The following TAF3 variants were observed in gnomAD, a reference collection of about 807,000 sequenced individuals.
TAF3 encodes the protein transcription initiation factor TFIID subunit 3.
A neutral mutation model predicts 80.6 loss-of-function variants in TAF3; 7 were observed. The ratio of observed to expected loss-of-function variants is 0.09; its 90% CI spans 0.05 to 0.16. The LOEUF is 0.16. TAF3 is among the 10% of genes least tolerant of loss of function. TAF3 has a pLI of 1.00. For missense variants in TAF3, 921 were observed against 1,140.2 expected (o/e 0.81, Z 2.77); for synonymous variants, 444 against 446.1 (o/e 1.00, Z 0.06).
chr10:7,967,935 G>T (rs1481176743), intron 3 of TAF3, among the ~76,000 whole-genome samples: 1 of 152,146 alleles, frequency 6.6e-6, no homozygotes, highest in African/African-American at 2.4e-5. Context: ...TAAAGGTTAG[G>T]ACAACCCAGG....
intron 6 of TAF3, among the ~76,000 whole-genome samples, 157 bp from the exon 7 acceptor site, chr10:8,014,480 G>A (rs913330515): frequency 1.1e-4 from 16 of 152,144 alleles, no homozygotes; most frequent in African/African-American, 3.6e-4. Context: ...CTCATAGTCC[G>A]CATGCCCAAC....
At chr10:7,919,661 T>G (rs1467505519) in intron 2 of TAF3, among the ~76,000 whole-genome samples, 3 of 152,188 alleles carry the variant, frequency 2.0e-5, no homozygotes, top group African/African-American at 7.2e-5. Flanking sequence ...AACCTACATA[T>G]AACCTCCCAT....
At chr10:7,835,693 G>A (rs893044233) in intron 2 of TAF3, among the ~76,000 whole-genome samples, 1 of 152,168 alleles carries the variant, frequency 6.6e-6, no homozygotes, top group Non-Finnish European at 1.5e-5. Context: ...CGCTCTTCTC[G>A]GGTTGGCCTG....
intron 2 of TAF3, among the ~76,000 whole-genome samples, chr10:7,909,267 G>T (rs537169146): frequency 2.0e-4 from 30 of 152,342 alleles, no homozygotes; most frequent in African/African-American, 6.7e-4. Context: ...GAGGGCTCTA[G>T]TTGATTCTTG....
At chr10:7,829,142 C>T (rs1246810055) in intron 2 of TAF3, among the ~76,000 whole-genome samples, 1 of 150,864 alleles carries the variant, frequency 6.6e-6, no homozygotes, top group Non-Finnish European at 1.5e-5. Flanking sequence ...GAGGTTGCCA[C>T]TTTTAGAGTT....
intron 2 of TAF3, among the ~76,000 whole-genome samples, chr10:7,825,535 T>G (rs1836731235): frequency 6.6e-6 from 1 of 152,224 alleles, no homozygotes; most frequent in Non-Finnish European, 1.5e-5. Flanking sequence ...TTCCTTTTTT[T>G]GTCTCTCTGA....
intron 2 of TAF3, among the ~76,000 whole-genome samples, chr10:7,959,442 TTAAG>T (rs1838168690): frequency 6.6e-6 from 1 of 152,124 alleles, no homozygotes; most frequent in Admixed American, 6.6e-5. Flanking sequence ...TTTTGCAGTA[TTAAG>T]TAACATAAAG....
intron 4 of TAF3, among the ~76,000 whole-genome samples, chr10:7,996,939 C>G (rs1831895946): frequency 6.6e-6 from 1 of 151,736 alleles, no homozygotes; most frequent in Non-Finnish European, 1.5e-5. Flanking sequence ...CACAGTCTGC[C>G]TGCCTCAGCC....
At chr10:7,898,253 A>C (rs1837524967) in intron 2 of TAF3, among the ~76,000 whole-genome samples, 1 of 152,120 alleles carries the variant, frequency 6.6e-6, no homozygotes, top group Non-Finnish European at 1.5e-5. Context: ...GTCATGAAGA[A>C]TCTAACTCTT....
intron 2 of TAF3, among the ~76,000 whole-genome samples, chr10:7,882,860 C>T (rs566879063): frequency 7.2e-5 from 11 of 152,180 alleles, no homozygotes; most frequent in Non-Finnish European, 1.2e-4. Context: ...GTATTCTTTA[C>T]GTAGATTCCC....
intron 2 of TAF3, among the ~76,000 whole-genome samples, chr10:7,954,952 C>G (rs995008697): frequency 1.4e-5 from 2 of 144,486 alleles, no homozygotes; most frequent in Non-Finnish European, 3.0e-5. Context: ...TGAATTAGTT[C>G]TAGTTAACAC....
chr10:7,897,676 C>CTTT (rs1210378117), intron 2 of TAF3, among the ~76,000 whole-genome samples: 1 of 140,594 alleles, frequency 7.1e-6, no homozygotes, highest in African/African-American at 2.6e-5. Flanking sequence ...TTCTTTCTTT[C>CTTT]TTTTTTTTTT....
At chr10:7,998,245 ATATATATATATATATATATG>A (rs1031851530) in intron 4 of TAF3, among the ~76,000 whole-genome samples, 46 of 79,994 alleles carry the variant, frequency 5.8e-4, no homozygotes, top group African/African-American at 2.2e-3. Context: ...TGAGAACTAT[ATATATATATATATATATATG>A]TATATATATA....
chr10:7,991,301 T>A (rs1380153438), intron 4 of TAF3, among the ~76,000 whole-genome samples: 2 of 152,168 alleles, frequency 1.3e-5, no homozygotes, highest in Non-Finnish European at 2.9e-5. Flanking sequence ...TTAAAATTAA[T>A]CTTCATAAAA....
chr10:7,932,363 C>G (rs1009396728), intron 2 of TAF3, among the ~76,000 whole-genome samples: 1 of 152,176 alleles, frequency 6.6e-6, no homozygotes, highest in African/African-American at 2.4e-5. Flanking sequence ...AATGGCATCT[C>G]AACTAGCTAG....
At chr10:7,859,212 G>C (rs575293253) in intron 2 of TAF3, among the ~76,000 whole-genome samples, 43 of 152,006 alleles carry the variant, frequency 2.8e-4, no homozygotes, top group Non-Finnish European at 4.7e-4. Context: ...AGTGAGCTGA[G>C]ATCATGCCAT....
intron 2 of TAF3, among the ~76,000 whole-genome samples, chr10:7,918,223 G>C (rs1043970744): frequency 6.6e-6 from 1 of 152,136 alleles, no homozygotes; most frequent in Non-Finnish European, 1.5e-5. Context: ...GAGAAGGGGC[G>C]TGATGAAGGT....
At chr10:7,927,261 G>T (rs1837824935) in intron 2 of TAF3, among the ~76,000 whole-genome samples, 1 of 152,156 alleles carries the variant, frequency 6.6e-6, no homozygotes, top group African/African-American at 2.4e-5. Context: ...TTTGTCCATG[G>T]TGGCCATGTA....
intron 4 of TAF3, among the ~76,000 whole-genome samples, chr10:8,000,430 TA>T (rs1435750830): frequency 6.6e-6 from 1 of 152,130 alleles, no homozygotes; most frequent in African/African-American, 2.4e-5. Flanking sequence ...TTCTTTTTTT[TA>T]TGCAAGTTAT....
Sources: gnomAD v4.1 joint callset for allele counts (sites outside exome capture counted in the v4.1 genomes callset) on GRCh38, gnomAD v4.1.1 for gene constraint, MANE v1.5 for transcripts, NCBI Gene and HGNC (gene_info 2026-07-23, HGNC 2026-07-21) for gene names.